The following PLD5 variants were observed in gnomAD, a reference collection of about 807,000 sequenced individuals.
The protein encoded by PLD5 is phospholipase D family member 5.
A neutral mutation model predicts 61.1 loss-of-function variants in PLD5; 36 were observed. The observed-to-expected ratio is 0.59, with a 90% CI of 0.45 to 0.78. The LOEUF is 0.78. Among genes scored for constraint, PLD5 ranks in the 30% least tolerant of loss-of-function variants. The pLI is 0.00. For synonymous variants in PLD5, 243 were observed against 242.8 expected, an observed-to-expected ratio of 1.00 and a Z score of -0.01; for missense variants, 515 against 644.4, an observed-to-expected ratio of 0.80 and a Z score of 2.17.
At chr1:242,159,972 C>CA (rs1263853259) in intron 5 of PLD5, among the ~76,000 whole-genome samples, 1 of 151,960 alleles carries the variant, frequency 6.6e-6, no homozygotes, top group East Asian at 1.9e-4. Flanking sequence ...TTGCTTTTAG[C>CA]AATTCATTAA....
intron 5 of PLD5, among the ~76,000 whole-genome samples, chr1:242,203,048 A>G (rs1669080351): frequency 6.6e-6 from 1 of 152,246 alleles, no homozygotes; most frequent in Middle Eastern, 3.2e-3. Context: ...AACTATCTGC[A>G]GCAATGATTC....
intron 1 of PLD5, among the ~76,000 whole-genome samples, chr1:242,382,684 G>A (rs949167426): frequency 1.3e-5 from 2 of 152,076 alleles, no homozygotes; most frequent in East Asian, 1.9e-4. Context: ...TGTCTTTCTG[G>A]CAACGGTAGG....
At chr1:242,375,501 A>G (rs748499162) in intron 1 of PLD5, among the ~76,000 whole-genome samples, 3 of 152,188 alleles carry the variant, frequency 2.0e-5, no homozygotes, top group Middle Eastern at 3.2e-3. Context: ...TGCAGTTATG[A>G]TGGATGGAGT....
chr1:242,116,077 T>A (rs1661923045), intron 6 of PLD5, among the ~76,000 whole-genome samples: 1 of 151,986 alleles, frequency 6.6e-6, no homozygotes, highest in Non-Finnish European at 1.5e-5. Context: ...CAGGGCATTA[T>A]AATGGGACAT....
intron 4 of PLD5, among the ~76,000 whole-genome samples, chr1:242,264,977 T>G (rs1276781801): frequency 4.6e-5 from 7 of 152,174 alleles, no homozygotes; most frequent in Non-Finnish European, 8.8e-5. Flanking sequence ...AGGATTTTCA[T>G]TTGGCAGGCA....
chr1:242,214,947 G>A (rs1167658143), intron 5 of PLD5, among the ~76,000 whole-genome samples: 2 of 137,270 alleles, frequency 1.5e-5, no homozygotes, highest in Non-Finnish European at 3.0e-5. Flanking sequence ...CGAGACCCTG[G>A]CTCACCACAA....
At chr1:242,140,084 T>G (rs1269871218) in intron 5 of PLD5, among the ~76,000 whole-genome samples, 1 of 152,162 alleles carries the variant, frequency 6.6e-6, no homozygotes, top group African/African-American at 2.4e-5. Flanking sequence ...GAAAACAACC[T>G]ATTCCATGGC....
In PLD5 at chr1:242,100,757, TTC is replaced by T; in HGVS notation, c.1263_1264del (p.Asn422CysfsTer14). On this transcript the variant is annotated frameshift_variant, in exon 9 of 10. Coordinates refer to ENST00000536534, the MANE Select transcript of PLD5 (RefSeq NM_001372062.1). LOFTEE classifies it high-confidence loss of function. The stretch of plus-strand genomic sequence containing the variant: ...CTTTTGTTCTTTTGTAGCACAAGCA[TTC>T]TCTCTTTCCAGATCAAAAAATTTCT... The T allele has an allele frequency of 6.2e-7, 1 of 1,613,898 alleles. No individual in the cohort carries two copies. Among genetic ancestry groups the T allele is most frequent in the Non-Finnish European group, 8.5e-7 (1 of 1,179,918 alleles).
chr1:242,397,764 G>A (rs546029662), intron 1 of PLD5, among the ~76,000 whole-genome samples: 1 of 143,368 alleles, frequency 7.0e-6, no homozygotes, highest in South Asian at 2.3e-4. Context: ...TTCTTAGCAC[G>A]TCTTTTTCTT....
chr1:242,316,552 TC>T (rs752897362), intron 2 of PLD5, among the ~76,000 whole-genome samples: 2 of 152,188 alleles, frequency 1.3e-5, no homozygotes, highest in South Asian at 4.1e-4. Flanking sequence ...AGATAATAAT[TC>T]TATATTAACA....
intron 4 of PLD5, among the ~76,000 whole-genome samples, chr1:242,234,175 T>C (rs912612322): frequency 3.9e-5 from 6 of 152,212 alleles, no homozygotes; most frequent in Admixed American, 3.9e-4. Context: ...GAGATACAAA[T>C]TCATTTCTTT....
chr1:242,250,479 G>A (rs1045156991), intron 4 of PLD5, among the ~76,000 whole-genome samples: 4 of 152,104 alleles, frequency 2.6e-5, no homozygotes, highest in African/African-American at 7.2e-5. Flanking sequence ...GAGAACTTTG[G>A]AATGTCTCTG....
chr1:242,204,398 G>A (rs1409400093), intron 5 of PLD5, among the ~76,000 whole-genome samples: 1 of 152,116 alleles, frequency 6.6e-6, no homozygotes, highest in Non-Finnish European at 1.5e-5. Context: ...TTCCTTCAAG[G>A]GATACGGCCA....
chr1:242,271,057 T>C (rs906229782), intron 3 of PLD5, among the ~76,000 whole-genome samples: 1 of 152,060 alleles, frequency 6.6e-6, no homozygotes, highest in African/African-American at 2.4e-5. Flanking sequence ...CTGGTACTAA[T>C]ACTCGATGAT....
intron 1 of PLD5, among the ~76,000 whole-genome samples, chr1:242,406,376 T>C (rs1664234700): frequency 6.6e-6 from 1 of 152,232 alleles, no homozygotes; most frequent in Admixed American, 6.5e-5. Context: ...CAGTAAGGCA[T>C]TTAGTGAGGC....
At chr1:242,194,698 T>TA (rs1340056671) in intron 5 of PLD5, among the ~76,000 whole-genome samples, 8 of 151,174 alleles carry the variant, frequency 5.3e-5, no homozygotes, top group Admixed American at 4.6e-4. Flanking sequence ...TACTCAGCCA[T>TA]AAAAAAGAAT....
At chr1:242,292,432 A>G (rs1245509530) in intron 2 of PLD5, among the ~76,000 whole-genome samples, 3 of 152,180 alleles carry the variant, frequency 2.0e-5, no homozygotes, top group Non-Finnish European at 4.4e-5. Flanking sequence ...TGAGGGGAGG[A>G]ATATAGTATA....
intron 5 of PLD5, among the ~76,000 whole-genome samples, chr1:242,158,425 C>T (rs985968572): frequency 1.3e-5 from 2 of 152,080 alleles, no homozygotes; most frequent in African/African-American, 4.8e-5. Context: ...TGCTTGAAAC[C>T]CAGGGCCCTG....
At chr1:242,210,682 C>G (rs568816979) in intron 5 of PLD5, 1 of 152,228 alleles carries the variant, frequency 6.6e-6, no homozygotes, top group Non-Finnish European at 1.5e-5. Flanking sequence ...CACTCCTGCC[C>G]GCCAGGGAAC....
Sources: allele counts gnomAD v4.1 joint callset (sites outside exome capture counted in the v4.1 genomes callset), GRCh38; gene constraint gnomAD v4.1.1; transcripts MANE v1.5; gene names NCBI Gene and HGNC (gene_info 2026-07-23, HGNC 2026-07-21).